The following RGL1 variants were observed in gnomAD, a reference collection of about 807,000 sequenced individuals.
RGL1 encodes ral guanine nucleotide dissociation stimulator-like 1.
RGL1 carries 24 observed loss-of-function variants against 95.2 expected under a neutral mutation model. That is an observed-to-expected ratio of 0.25 (90% CI 0.18 to 0.35). RGL1 has a LOEUF of 0.35. Among genes scored for constraint, RGL1 ranks in the 10% least tolerant of loss-of-function variants. RGL1 has a pLI of 1.00. For synonymous variants in RGL1, 329 were observed against 344.9 expected, an observed-to-expected ratio of 0.95 and a Z score of 0.51; for missense variants, 715 against 936.3, an observed-to-expected ratio of 0.76 and a Z score of 3.08.
At chr1:183,794,641 C>A (rs1000143850) in intron 2 of RGL1, among the ~76,000 whole-genome samples, 2 of 152,152 alleles carry the variant, frequency 1.3e-5, no homozygotes, top group Admixed American at 1.3e-4. Flanking sequence ...ACTTTATTCC[C>A]ACCTCATTTA....
chr1:183,788,844 G>C (rs558051612), intron 2 of RGL1, among the ~76,000 whole-genome samples: 4 of 152,122 alleles, frequency 2.6e-5, no homozygotes, highest in Non-Finnish European at 5.9e-5. Flanking sequence ...AGGGGGGCAC[G>C]TCCAGGATTC....
At chr1:183,846,197 G>A (rs1664416355) in intron 2 of RGL1, among the ~76,000 whole-genome samples, 1 of 152,162 alleles carries the variant, frequency 6.6e-6, no homozygotes, top group Admixed American at 6.5e-5. Flanking sequence ...TATACACCAT[G>A]GAATACTGTG....
chr1:183,920,847 A>G (rs934895445), intron 16 of RGL1, among the ~76,000 whole-genome samples: 7 of 152,252 alleles, frequency 4.6e-5, no homozygotes, highest in African/African-American at 1.7e-4. Context: ...TGTAATGCAC[A>G]TTGTTTATGG....
At chr1:183,857,574 G>A (rs1665235989) in intron 3 of RGL1, among the ~76,000 whole-genome samples, 1 of 152,090 alleles carries the variant, frequency 6.6e-6, no homozygotes, top group East Asian at 1.9e-4. Flanking sequence ...GTTCAGTTTC[G>A]GTCCACACAC....
At chr1:183,648,540 T>C (rs1650483735) in intron 1 of RGL1, 1 of 1,614,112 alleles carries the variant, frequency 6.2e-7, no homozygotes, top group Admixed American at 1.7e-5. Flanking sequence ...AGCATGGCCC[T>C]TTTGCACCAG....
intron 1 of RGL1, among the ~76,000 whole-genome samples, chr1:183,658,760 A>G (rs2102018313): frequency 6.6e-6 from 1 of 152,294 alleles, no homozygotes; most frequent in Admixed American, 6.5e-5. Context: ...TGCCTCCTCA[A>G]GTGGGTCCCT....
intron 4 of RGL1, among the ~76,000 whole-genome samples, chr1:183,876,427 A>G (rs1488004455): frequency 6.6e-6 from 1 of 152,230 alleles, no homozygotes; most frequent in Non-Finnish European, 1.5e-5. Context: ...CTCCTCTGCT[A>G]TCAGTTTTGG....
At chr1:183,821,120 C>T (rs1044643381) in intron 2 of RGL1, among the ~76,000 whole-genome samples, 4 of 150,244 alleles carry the variant, frequency 2.7e-5, no homozygotes, top group South Asian at 2.1e-4. Flanking sequence ...GCGACAAGAG[C>T]GAAACTCCGT....
At chr1:183,639,324 G>A (rs914009690) in intron 1 of RGL1, among the ~76,000 whole-genome samples, 7 of 150,850 alleles carry the variant, frequency 4.6e-5, no homozygotes, top group Admixed American at 1.3e-4. Flanking sequence ...ATCCTGCAAC[G>A]TGACATTATT....
rs143930312 is a variant in RGL1, at chr1:183,642,949, C to T, written c.-33+6448C>T. Among the ~76,000 whole-genome samples, 288 of 152,324 alleles carry T rather than the reference C, an allele frequency of 1.9e-3. 2 individuals are homozygous for T. The highest frequency in any genetic ancestry group is 6.4e-3 in the African/African-American group (265 of 41,570). On this transcript the variant is annotated intron_variant, in intron 1 of 18. Transcript: ENST00000304685. The stretch of plus-strand genomic sequence containing the variant: ...TCTGTACCCATTAAACAATAACTCC[C>T]TGTTCCCTGCTCCCCAGCCCCTGGC...
intron 2 of RGL1, among the ~76,000 whole-genome samples, chr1:183,773,906 G>A (rs376610018): frequency 5.3e-4 from 80 of 151,938 alleles, no homozygotes; most frequent in African/African-American, 1.9e-3. Flanking sequence ...CAAGGTGGGA[G>A]GGGAAGTTAT....
At chr1:183,826,968 G>C (rs1383018870) in intron 2 of RGL1, among the ~76,000 whole-genome samples, 1 of 151,844 alleles carries the variant, frequency 6.6e-6, no homozygotes, top group South Asian at 2.1e-4. Flanking sequence ...TGTTGCCCAG[G>C]CTGGAGTACA....
chr1:183,643,262 T>TTTGTTTGTTTATTTA lies in RGL1; in HGVS notation c.-33+6763_-33+6764insGTTTGTTTATTTATT, dbSNP rs1553265192. On this transcript the variant is annotated intron_variant, in intron 1 of 18. Transcript: ENST00000304685. Reference sequence around the variant, plus strand: ...GAACTATCTCTTTGAGGTCCTGTTTTTTTATTTATTTATTTATTTATTTAT... The same window carrying TTTGTTTGTTTATTTA: ...GAACTATCTCTTTGAGGTCCTGTTTTTTGTTTGTTTATTTATTTATTTATTTATTTATTTATTTAT... Among the ~76,000 whole-genome samples, 9 of 136,500 alleles carry TTTGTTTGTTTATTTA rather than the reference T, an allele frequency of 6.6e-5. No individual in the cohort carries two copies. In the South Asian group the frequency reaches 7.0e-4, roughly 11 times the overall value. The allele number at this position is 136,500 out of a possible 152,430, so 89.5% of individuals were successfully genotyped here.
Position 183,891,733 on chromosome 1 carries a change from GT to G in RGL1, c.1056-317del, listed in dbSNP as rs57974956. Among the ~76,000 whole-genome samples, 1,134 of 123,624 alleles carry G rather than the reference GT, an allele frequency of 9.2e-3. 2 individuals carry two copies. The highest frequency in any genetic ancestry group is 0.024 in the African/African-American group (812 of 33,404). The allele number at this position is 123,624 out of a possible 152,430, so 81.1% of individuals were successfully genotyped here. Reference sequence around the variant, plus strand: ...ATCTGTGGGCTCTGTGTGTGTAACAGTTTTTTTTTTTTTTTTTTTTTTTTTT... The same window carrying G: ...ATCTGTGGGCTCTGTGTGTGTAACAGTTTTTTTTTTTTTTTTTTTTTTTTT... On this transcript the variant is annotated intron_variant, in intron 8 of 17. Transcript: ENST00000360851.
chr1:183,654,963 G>T (rs6692924), intron 1 of RGL1, among the ~76,000 whole-genome samples: 10,462 of 152,190 alleles, frequency 0.069, 627 homozygotes, highest in African/African-American at 0.16. Context: ...CCTTTACCAT[G>T]GTTCCTGTTC....
chr1:183,735,947 A>G (rs912612283), intron 1 of RGL1, among the ~76,000 whole-genome samples: 10 of 152,162 alleles, frequency 6.6e-5, no homozygotes, highest in African/African-American at 2.4e-4. Flanking sequence ...GGATCCCACA[A>G]TTTGTAGATA....
intron 1 of RGL1, among the ~76,000 whole-genome samples, chr1:183,700,028 T>C (rs1259446448): frequency 6.6e-6 from 1 of 152,212 alleles, no homozygotes; most frequent in East Asian, 1.9e-4. Flanking sequence ...GTGTTTTGCC[T>C]GCCAGACCAA....
chr1:183,851,480 T>A (rs1327497620), intron 3 of RGL1, among the ~76,000 whole-genome samples: 1 of 152,178 alleles, frequency 6.6e-6, no homozygotes, highest in Non-Finnish European at 1.5e-5. Context: ...TTTGAGAGGA[T>A]CCCTCAGATT....
intron 1 of RGL1, among the ~76,000 whole-genome samples, chr1:183,732,312 A>C (rs1289615461): frequency 1.3e-5 from 2 of 152,178 alleles, no homozygotes; most frequent in Non-Finnish European, 2.9e-5. Context: ...TAAGGAGGGA[A>C]GAATAAAAGG....
Sources: allele counts gnomAD v4.1 joint callset (sites outside exome capture counted in the v4.1 genomes callset), GRCh38; gene constraint gnomAD v4.1.1; transcripts MANE v1.5; gene names NCBI Gene and HGNC (gene_info 2026-07-23, HGNC 2026-07-21).